Variants in RORC observed in about 807,000 individuals in gnomAD.
RORC encodes the protein RAR related orphan receptor C, also known as nuclear receptor ROR-gamma.
A neutral mutation model predicts 64.5 loss-of-function variants in RORC; 13 were observed. The ratio of observed to expected loss-of-function variants is 0.20; its 90% CI spans 0.13 to 0.32. The LOEUF (loss-of-function observed/expected upper bound fraction) is 0.32. RORC is among the 10% of genes least tolerant of loss of function. RORC has a pLI of 1.00. For missense variants in RORC, 468 were observed against 669.5 expected, an observed-to-expected ratio of 0.70 and a Z score of 3.32; for synonymous variants, 277 against 259.3, an observed-to-expected ratio of 1.07 and a Z score of -0.65.
At chr1:151,811,286 G>A (rs371454013) in intron 10 of RORC, 39 bp downstream of exon 10, 61 of 1,353,234 alleles carry the variant, frequency 4.5e-5, no homozygotes, top group Admixed American at 3.1e-4. Flanking sequence ...CAGAGCTAGC[G>A]ATGGGCCTGG....
At chr1:151,816,640 A>G in intron 4 of RORC, 24 bp downstream of exon 4, 2 of 1,591,692 alleles carry the variant, frequency 1.3e-6, no homozygotes, top group Admixed American at 1.8e-5. Flanking sequence ...GGAAAACCCC[A>G]GGGGGCTGTC....
At chr1:151,812,856 T>G (rs1651592586) in intron 9 of RORC, 91 bp downstream of exon 9, 1 of 785,366 alleles carries the variant, frequency 1.3e-6, no homozygotes, top group Non-Finnish European at 2.1e-6. Flanking sequence ...ATTTCCCAGA[T>G]TTAACTACAT....
chr1:151,829,120 A>G (rs1010415497), intron 2 of RORC, among the ~76,000 whole-genome samples: 12 of 29,378 alleles, frequency 4.1e-4, no homozygotes, highest in African/African-American at 1.6e-3. Context: ...AGTCGGCCCC[A>G]CCCCCTCCCA....
At chr1:151,826,100 G>T in intron 2 of RORC, 1 of 1,429,246 alleles carries the variant, frequency 7.0e-7, no homozygotes, top group East Asian at 2.6e-5. Flanking sequence ...CTGGACTGGG[G>T]GGTTTAAGCT....
rs1651766753 is a variant in RORC at position 151,816,723 on chromosome 1, C to T, written c.239G>A (p.Arg80Gln). 2 of 1,601,662 alleles carry T rather than the reference C, an allele frequency of 1.2e-6. No individual in the cohort carries two copies. Among genetic ancestry groups the T allele is most frequent in the Non-Finnish European group, 8.5e-7 (1 of 1,174,152 alleles). Residue 80 changes from arginine to glutamine, a missense_variant, in exon 4 of 11, where the codon CGA becomes CAA. Coordinates refer to ENST00000318247, the MANE Select transcript of RORC (RefSeq NM_005060.4). The part of the protein sequence containing the change: ...QQNCPIDRTS[R>Q]NRCQHCRLQK... Reference sequence around the variant, plus strand: ...CAGGCGGCAGTGCTGGCATCGGTTTCGGCTGGTGCGGTCGATGGGGCAGTT... The same window carrying T: ...CAGGCGGCAGTGCTGGCATCGGTTTTGGCTGGTGCGGTCGATGGGGCAGTT...
chr1:151,806,541 C>G lies in RORC; in HGVS notation c.*931G>C, dbSNP rs573599419. 1 of 152,290 alleles carries G rather than the reference C, an allele frequency of 6.6e-6. No homozygotes were observed. Among genetic ancestry groups the G allele is most frequent in the African/African-American group, 2.4e-5 (1 of 41,410 alleles). 9.4% of individuals were successfully genotyped at this position (152,290 alleles called of 1,614,324 possible). On this transcript the variant is annotated 3_prime_UTR_variant, in exon 11 of 11. Coordinates refer to ENST00000318247, the MANE Select transcript of RORC (RefSeq NM_005060.4). ...ACCCAAGATCAGTGGACTGGAGCACCATGGAAATGTTTGGGAGGGTCCCTC... is the reference window on the plus strand; with the variant it reads ...ACCCAAGATCAGTGGACTGGAGCACGATGGAAATGTTTGGGAGGGTCCCTC...
intron 2 of RORC, among the ~76,000 whole-genome samples, chr1:151,818,381 C>T (rs1388168366): frequency 6.6e-6 from 1 of 152,164 alleles, no homozygotes; most frequent in Non-Finnish European, 1.5e-5. Flanking sequence ...ACTAGGACCC[C>T]GGGTTCTCTC....
Position 151,815,385 on chromosome 1 carries a change from G to A in RORC, c.339C>T (p.Ser113=), listed in dbSNP as rs534318743. 1.9e-6 allele frequency: 3 copies of A among 1,549,932 alleles called. No homozygotes were observed. The highest frequency in any genetic ancestry group is 2.0e-5 in the Admixed American group (1 of 50,024). The change falls in exon 5 of 11, where the codon AGC becomes AGT. Residue 113 remains serine (S), a synonymous_variant. Transcript: ENST00000318247. ...GCTGTTTCTGCACTTCTGCATGCAG[G>A]CTGTCCCTCTGCTTCTTGGACATGC... The part of the protein sequence containing the change: ...FGRMSKKQRD[S]LHAEVQKQLQ...
intron 5 of RORC, 94 bp from the exon 6 acceptor site, chr1:151,814,789 C>A (rs1651690610): frequency 6.5e-7 from 1 of 1,542,888 alleles, no homozygotes; most frequent in Non-Finnish European, 8.8e-7. Flanking sequence ...TCCTGCTCCG[C>A]CTCCTCCCTC....
intron 2 of RORC, among the ~76,000 whole-genome samples, chr1:151,824,154 G>A (rs541667025): frequency 7.2e-5 from 11 of 152,316 alleles, no homozygotes; most frequent in Non-Finnish European, 1.2e-4. Context: ...GGTTGGAGGG[G>A]CTGGTGGTGG....
intron 4 of RORC, 23 bp from the exon 5 acceptor site, chr1:151,815,448 G>A: frequency 2.6e-6 from 4 of 1,516,318 alleles, no homozygotes; most frequent in Non-Finnish European, 3.5e-6. Flanking sequence ...CAGGGACCAG[G>A]GGTTTATGAG....
Position 151,816,729 on chromosome 1 carries a change from G to C in RORC, c.233C>G (p.Thr78Ser). The C allele has an allele frequency of 6.2e-7, 1 of 1,602,026 alleles. No homozygotes were observed. The stretch of plus-strand genomic sequence containing the variant: ...GCAGTGCTGGCATCGGTTTCGGCTG[G>C]TGCGGTCGATGGGGCAGTTCTGCTG... ...TRQQNCPIDR[T>S]SRNRCQHCRL... The change falls in exon 4 of 11, where the codon ACC (threonine) becomes AGC (serine). Residue 78 changes from threonine (T) to serine (S), a missense_variant. This residue lies in a region of RORC where 241 missense variants were observed against 295.5 expected (regional missense o/e 0.82). Transcript: ENST00000318247.
chr1:151,813,684 T>G lies in RORC; in HGVS notation c.934-64A>C. On this transcript the variant is annotated intron_variant, in intron 6 of 10. Coordinates refer to ENST00000318247, the MANE Select transcript of RORC (RefSeq NM_005060.4). Reference sequence around the variant, plus strand: ...GTGGCCCTGTGATCCTCCTGAGCCCTGGAGCCCCACCTAATAAACTGCAAG... The same window carrying G: ...GTGGCCCTGTGATCCTCCTGAGCCCGGGAGCCCCACCTAATAAACTGCAAG... 31 of 1,575,972 alleles carry G rather than the reference T, an allele frequency of 2.0e-5. No homozygotes were observed. The South Asian group carries it at 3.4e-4, about 17-fold the overall frequency.
chr1:151,813,874 T>C (rs1651640054), intron 6 of RORC: 2 of 487,662 alleles, frequency 4.1e-6, no homozygotes, highest in Non-Finnish European at 7.4e-6. Flanking sequence ...GATACAGCTT[T>C]GCCCTCCAAC....
intron 9 of RORC, 95 bp from the exon 10 acceptor site, chr1:151,811,529 T>C (rs1553289911): frequency 1.2e-5 from 9 of 744,640 alleles, no homozygotes; most frequent in East Asian, 1.1e-4. Flanking sequence ...CTGTGCTGGA[T>C]AGAGGTCTTC....
chr1:151,807,656 G>T lies in RORC; in HGVS notation c.1396-23C>A. On this transcript the variant is annotated intron_variant, in intron 10 of 10. Transcript: ENST00000318247. This position sits in a 1 kb window ranked among gnomAD's most constrained non-coding sequence, Gnocchi z 5.0. ...CAGCTGGATATGGGTTAATGGGGAA[G>T]GGAGGGTCAATACTTCAGCTCTCCT... is the stretch of plus-strand genomic sequence containing the variant. 1 of 1,612,986 alleles carries T rather than the reference G, an allele frequency of 6.2e-7. No homozygotes were observed. The highest frequency in any genetic ancestry group is 1.3e-5 in the African/African-American group (1 of 75,032).
At chr1:151,810,624 C>T (rs968684517) in intron 10 of RORC, among the ~76,000 whole-genome samples, 16 of 151,832 alleles carry the variant, frequency 1.1e-4, no homozygotes, top group African/African-American at 3.4e-4. Context: ...ATCTGCCTCC[C>T]GGTTTCAAGC....
At chr1:151,829,284 A>C in intron 2 of RORC, 145 bp downstream of exon 2, 1 of 671,154 alleles carries the variant, frequency 1.5e-6, no homozygotes, top group South Asian at 2.4e-5. Flanking sequence ...GTTTCCTCGC[A>C]CCTCCCCTTG....
At chr1:151,818,795 A>C (rs571090807) in intron 2 of RORC, among the ~76,000 whole-genome samples, 4 of 152,300 alleles carry the variant, frequency 2.6e-5, no homozygotes, top group Admixed American at 1.3e-4. Flanking sequence ...CATTGCTGTG[A>C]TCTCACCTCC....
Sources: gnomAD v4.1 joint callset for allele counts (sites outside exome capture counted in the v4.1 genomes callset) on GRCh38, gnomAD v4.1.1 for gene constraint, gnomAD v4.1.1 regional missense constraint, Gnocchi (gnomAD v3.1) non-coding constraint, MANE v1.5 for transcripts, NCBI Gene and HGNC (gene_info 2026-07-23, HGNC 2026-07-21) for gene names.